Variants in BAHCC1 observed in about 807,000 individuals in gnomAD.
The protein encoded by BAHCC1 is BAH and coiled-coil domain-containing protein 1.
Under a neutral mutation model 88.2 loss-of-function variants are expected in BAHCC1, and 43 were observed. That is an observed-to-expected ratio of 0.49 (90% CI 0.38 to 0.63). The LOEUF (loss-of-function observed/expected upper bound fraction) is 0.63. Ranked by LOEUF, BAHCC1 falls within the 20% of genes least tolerant of loss-of-function variation. The probability of loss-of-function intolerance (pLI) is 0.00; values close to 1 mark genes in which losing one functional copy is unlikely to be tolerated. For synonymous variants in BAHCC1, 1,510 were observed against 745.5 expected (o/e 2.03, Z -16.71); for missense variants, 3,023 against 1,654.8 (o/e 1.83, Z -14.34).
At position 81,434,385 on chromosome 17, in the gene BAHCC1, G is replaced by C. The variant is rs1555651413; in HGVS notation, c.359-3985G>C. Among the ~76,000 whole-genome samples, 18 of 152,230 alleles carry C rather than the reference G, an allele frequency of 1.2e-4. No individual in the cohort carries two copies. ...TCAGCCGTGGGAGGCCAGCGTGGCAGACCTTCCCCCAGGGAGGAGGCACTG... is the reference window on the plus strand; with the variant it reads ...TCAGCCGTGGGAGGCCAGCGTGGCACACCTTCCCCCAGGGAGGAGGCACTG... On this transcript the variant is annotated intron_variant, in intron 3 of 27. Coordinates refer to ENST00000675386, the MANE Select transcript of BAHCC1 (RefSeq NM_001377448.1). This position sits in a 1 kb window ranked among gnomAD's most constrained non-coding sequence, Gnocchi z 4.9.
At chr17:81,412,007 G>A (rs1555647939) in intron 2 of BAHCC1, among the ~76,000 whole-genome samples, 1 of 152,242 alleles carries the variant, frequency 6.6e-6, no homozygotes, top group East Asian at 1.9e-4. Context: ...GCAGGACCAG[G>A]GCCCCGTGGC....
In BAHCC1 at chr17:81,463,811, A is replaced by C. The variant is rs782790219; in HGVS notation, c.7821A>C (p.Leu2607=). Residue 2607 remains leucine (L), a synonymous_variant, in exon 28 of 28, where the codon CTA becomes CTC. Transcript: ENST00000675386. ...TGACGGCTGATGGCGTGCCCATCCTATGCTGAGCCGCCCACCGCAGATGCC... is the reference window on the plus strand; with the variant it reads ...TGACGGCTGATGGCGTGCCCATCCTCTGCTGAGCCGCCCACCGCAGATGCC... ...RLVTADGVPI[L]C 1.4e-6 allele frequency: 1 copy of C among 729,088 alleles called. No individual in the cohort carries two copies. Among genetic ancestry groups the C allele is most frequent in the Non-Finnish European group, 2.5e-6 (1 of 398,596 alleles). The allele number at this position is 729,088 out of a possible 1,614,324, so 45.2% of individuals were successfully genotyped here. A position where few individuals can be genotyped will look rare whatever the true frequency, so the allele number is the denominator to read the frequency against.
intron 2 of BAHCC1, among the ~76,000 whole-genome samples, chr17:81,416,660 G>A (rs1262544563): frequency 6.6e-6 from 1 of 152,206 alleles, no homozygotes; most frequent in Non-Finnish European, 1.5e-5. Flanking sequence ...ATGTCCACAA[G>A]GATGGGTGAG....
chr17:81,420,813 C>G lies in BAHCC1; in HGVS notation c.179-5987C>G, dbSNP rs117014488. Among the ~76,000 whole-genome samples the G allele has an allele frequency of 1.6e-3, 248 of 152,380 alleles. 3 individuals carry two copies. In the East Asian group the frequency reaches 0.036, roughly 22 times the overall value. ...TTACTGTCCCTTCCCCAGGAACATCCTAAACTCATGCTGCCTCCTGTGATG... is the reference window on the plus strand; with the variant it reads ...TTACTGTCCCTTCCCCAGGAACATCGTAAACTCATGCTGCCTCCTGTGATG... On this transcript the variant is annotated intron_variant, in intron 2 of 27. Coordinates refer to ENST00000675386, the MANE Select transcript of BAHCC1 (RefSeq NM_001377448.1).
At chr17:81,459,471 T>C (rs2030050211) in intron 22 of BAHCC1, 25 bp from the exon 23 acceptor site, 1 of 778,244 alleles carries the variant, frequency 1.3e-6, no homozygotes, top group Non-Finnish European at 2.4e-6. Context: ...CACCTGCTCA[T>C]GGGTCGTCGC....
intron 4 of BAHCC1, among the ~76,000 whole-genome samples, chr17:81,440,046 A>G (rs2064389865): frequency 6.6e-6 from 1 of 152,168 alleles, no homozygotes. Flanking sequence ...CATGGGGGCC[A>G]GGAACTCACC....
At chr17:81,443,997 G>C (rs2064474651) in intron 6 of BAHCC1, 80 bp downstream of exon 6, 3 of 685,412 alleles carry the variant, frequency 4.4e-6, no homozygotes, top group Non-Finnish European at 8.0e-6. Flanking sequence ...CGTGGAGAAA[G>C]AGGGGTGGTC....
rs2064644956 is a variant in BAHCC1, at chr17:81,451,973, G to A, written c.4182G>A (p.Val1394=). Residue 1394 remains valine (V), a splice_region_variant and synonymous_variant, in exon 13 of 28, where the codon GTG becomes GTA. Transcript: ENST00000675386. The part of the protein sequence containing the change: ...KDTWTPKTKP[V]CPLKAAIDRL... ...GGCCCCTGTGCCCCCCCCACCAGGT[G>A]TGCCCCCTGAAGGCCGCCATCGACC... is the stretch of plus-strand genomic sequence containing the variant. The A allele has an allele frequency of 4.8e-6, 3 of 624,978 alleles. No homozygotes were observed. The highest frequency in any genetic ancestry group is 5.7e-6 in the Non-Finnish European group (2 of 349,374). 38.7% of individuals were successfully genotyped at this position (624,978 alleles called of 1,614,324 possible).
chr17:81,416,235 G>A (rs2064021950), intron 2 of BAHCC1, among the ~76,000 whole-genome samples: 1 of 144,508 alleles, frequency 6.9e-6, no homozygotes, highest in African/African-American at 2.6e-5. Context: ...CATGAGGGTG[G>A]GTGTATGCGT....
At chr17:81,429,267 G>T (rs2064233976) in intron 3 of BAHCC1, among the ~76,000 whole-genome samples, 2 of 152,244 alleles carry the variant, frequency 1.3e-5, no homozygotes, top group African/African-American at 4.8e-5. Context: ...GATGGGTGTG[G>T]GTGCCCCCCG....
chr17:81,459,907 TGACTACAGGCAG>T (rs1334357871), intron 23 of BAHCC1, among the ~76,000 whole-genome samples: 1 of 152,144 alleles, frequency 6.6e-6, no homozygotes, highest in Admixed American at 6.5e-5. Context: ...CAAAACCTCC[TGACTACAGGCAG>T]GGGCATGTAG....
chr17:81,423,773 C>A (rs1321172312), intron 2 of BAHCC1, among the ~76,000 whole-genome samples: 1 of 152,062 alleles, frequency 6.6e-6, no homozygotes, highest in East Asian at 1.9e-4. Flanking sequence ...CTGGGAGGCT[C>A]CCTCGGGCTG....
At position 81,422,034 on chromosome 17, in the gene BAHCC1, C is replaced by T. The variant is rs951926788; in HGVS notation, c.179-4766C>T. ...TCGTGATTTTTTTTTTTCTTGGAGG[C>T]GGAGTCGCACTTTGTCATCCAGGCG... On this transcript the variant is annotated intron_variant, in intron 2 of 27. Coordinates refer to ENST00000675386, the MANE Select transcript of BAHCC1 (RefSeq NM_001377448.1). The T allele has an allele frequency of 5.2e-5, 16 of 305,868 alleles. No individual in the cohort carries two copies. In the East Asian group the frequency reaches 6.3e-4, roughly 12 times the overall value. 18.9% of individuals were successfully genotyped at this position (305,868 alleles called of 1,614,324 possible).
At chr17:81,463,466 C>G (rs1288620691) in intron 27 of BAHCC1, 145 bp from the exon 28 acceptor site, 1 of 648,020 alleles carries the variant, frequency 1.5e-6, no homozygotes, top group African/African-American at 1.8e-5. Flanking sequence ...TGGTCCCTGG[C>G]AGGTTCCTCG....
At chr17:81,401,536 C>T (rs1334053163) in intron 2 of BAHCC1, 1 of 152,636 alleles carries the variant, frequency 6.6e-6, no homozygotes, top group East Asian at 1.9e-4. Flanking sequence ...GAGCTGCTGC[C>T]CACCCGGCTC....
At chr17:81,406,812 G>A (rs2063886074) in intron 2 of BAHCC1, 2 of 448,408 alleles carry the variant, frequency 4.5e-6, no homozygotes, top group South Asian at 1.6e-5. Context: ...TTATGAGGTC[G>A]GCGCGGGGTT....
chr17:81,457,754 GAA>G, intron 17 of BAHCC1, among the ~76,000 whole-genome samples, 162 bp downstream of exon 17: 1 of 138,500 alleles, frequency 7.2e-6, no homozygotes. Context: ...TAACCAGGAG[GAA>G]GGGCAGGGGT....
intron 11 of BAHCC1, among the ~76,000 whole-genome samples, chr17:81,450,585 C>T (rs2064614508): frequency 6.6e-6 from 1 of 152,238 alleles, no homozygotes. Flanking sequence ...CATGGCCCTC[C>T]TGCCTGCCCC....
chr17:81,458,015 TAA>T, intron 17 of BAHCC1, 148 bp from the exon 18 acceptor site: 1 of 510,100 alleles, frequency 2.0e-6, no homozygotes, highest in Non-Finnish European at 3.4e-6. Flanking sequence ...GGTTGCTGGG[TAA>T]CCAGGAGGGG....
Sources: allele counts gnomAD v4.1 joint callset (sites outside exome capture counted in the v4.1 genomes callset), GRCh38; gene constraint gnomAD v4.1.1; non-coding constraint Gnocchi (gnomAD v3.1); transcripts MANE v1.5; gene names NCBI Gene and HGNC (gene_info 2026-07-23, HGNC 2026-07-21).